The following SLC13A3 variants were observed in gnomAD, a reference collection of about 807,000 sequenced individuals.
The protein encoded by SLC13A3 is Na(+)/dicarboxylate cotransporter 3.
A neutral mutation model predicts 59.0 loss-of-function variants in SLC13A3; 40 were observed. The ratio of observed to expected loss-of-function variants is 0.68; its 90% CI spans 0.53 to 0.88. The LOEUF (loss-of-function observed/expected upper bound fraction) is 0.88. Ranked by LOEUF, SLC13A3 falls within the 40% of genes least tolerant of loss-of-function variation. The pLI is 0.00. For synonymous variants in SLC13A3, 317 were observed against 330.3 expected, an observed-to-expected ratio of 0.96 and a Z score of 0.44; for missense variants, 699 against 783.2, an observed-to-expected ratio of 0.89 and a Z score of 1.28.
upstream of SLC13A3, chr20:46,673,800 T>C (rs1465970469): frequency 1.3e-5 from 2 of 152,114 alleles, no homozygotes; most frequent in African/African-American, 4.8e-5. Context: ...AGAGGAGCAA[T>C]AAATATTGAA....
chr20:46,684,153 C>T (rs112128065), intron 1 of SLC13A3, among the ~76,000 whole-genome samples: 1 of 152,180 alleles, frequency 6.6e-6, no homozygotes, highest in South Asian at 2.1e-4. Flanking sequence ...CAACTTCGCA[C>T]GCCACAGCCT....
At chr20:46,616,640 A>G (rs2122762456) in intron 1 of SLC13A3, among the ~76,000 whole-genome samples, 1 of 152,310 alleles carries the variant, frequency 6.6e-6, no homozygotes, top group Middle Eastern at 3.4e-3. Context: ...ACAGAGATAG[A>G]GGGCAGGCCC....
At chr20:46,675,084 G>T (rs117041214), upstream of SLC13A3, among the ~76,000 whole-genome samples, 1 of 151,972 alleles carries the variant, frequency 6.6e-6, no homozygotes, top group Non-Finnish European at 1.5e-5. Context: ...TGAGATGTGC[G>T]CAAGGCTGGC....
intron 3 of SLC13A3, among the ~76,000 whole-genome samples, chr20:46,604,784 G>A (rs956756750): frequency 6.6e-6 from 1 of 152,210 alleles, no homozygotes; most frequent in Non-Finnish European, 1.5e-5. Context: ...AGCCATGCAC[G>A]AGGCCAGGGT....
chr20:46,562,408 C>T (rs540107025), intron 12 of SLC13A3, among the ~76,000 whole-genome samples: 5 of 152,160 alleles, frequency 3.3e-5, no homozygotes, highest in Non-Finnish European at 7.4e-5. Context: ...ATTGGGACTG[C>T]TCTTCCCCTT....
intron 9 of SLC13A3, 39 bp from the exon 10 acceptor site, chr20:46,575,724 C>A: frequency 7.3e-7 from 1 of 1,365,872 alleles, no homozygotes; most frequent in African/African-American, 1.4e-5. Flanking sequence ...CTCAGGGCCG[C>A]TCAGCCTGAG....
At chr20:46,607,801 C>A (rs2062450621) in intron 3 of SLC13A3, among the ~76,000 whole-genome samples, 1 of 152,168 alleles carries the variant, frequency 6.6e-6, no homozygotes, top group Non-Finnish European at 1.5e-5. Flanking sequence ...TTCAAAATAC[C>A]AGAGCCACAG....
intron 10 of SLC13A3, 166 bp from the exon 11 acceptor site, chr20:46,566,556 A>C: frequency 1.5e-6 from 1 of 659,674 alleles, no homozygotes; most frequent in Non-Finnish European, 2.4e-6. Context: ...ATTCGAGCCA[A>C]GGTCACACAT....
At chr20:46,674,715 G>C (rs1243699030), upstream of SLC13A3, among the ~76,000 whole-genome samples, 1 of 151,838 alleles carries the variant, frequency 6.6e-6, no homozygotes, top group East Asian at 1.9e-4. Context: ...GGCTAGGTTT[G>C]GAAGAGAGAA....
chr20:46,605,506 C>T (rs1016221757), intron 3 of SLC13A3, among the ~76,000 whole-genome samples: 3 of 152,106 alleles, frequency 2.0e-5, no homozygotes, highest in Non-Finnish European at 2.9e-5. Context: ...TTGTGTCAGG[C>T]CAGGGGATGG....
intron 1 of SLC13A3, among the ~76,000 whole-genome samples, chr20:46,642,128 G>A (rs934583161): frequency 6.6e-5 from 10 of 152,216 alleles, no homozygotes; most frequent in African/African-American, 2.2e-4. Context: ...TGTGTGGCAT[G>A]GTATGCCTCC....
chr20:46,588,237 G>T (rs1372401474), intron 7 of SLC13A3, 74 bp from the exon 8 acceptor site: 7 of 876,224 alleles, frequency 8.0e-6, no homozygotes, highest in African/African-American at 5.0e-5. Context: ...GGCTCAGGCA[G>T]CTGCCCACTG....
chr20:46,645,277 G>A (rs1406650416), intron 1 of SLC13A3, among the ~76,000 whole-genome samples: 1 of 152,190 alleles, frequency 6.6e-6, no homozygotes, highest in East Asian at 1.9e-4. Flanking sequence ...CCTGTTTCAA[G>A]ATCCTTTACC....
chr20:46,575,328 G>A (rs910433956), intron 10 of SLC13A3, among the ~76,000 whole-genome samples: 3 of 152,176 alleles, frequency 2.0e-5, no homozygotes, highest in Non-Finnish European at 4.4e-5. Context: ...ATTAGTATTA[G>A]TATTATATTA....
intron 1 of SLC13A3, among the ~76,000 whole-genome samples, chr20:46,634,916 T>C (rs902558830): frequency 6.6e-6 from 1 of 152,152 alleles, no homozygotes; most frequent in East Asian, 1.9e-4. Context: ...TCAGGCCCCC[T>C]CTATGTCCCT....
chr20:46,588,156 C>A lies in SLC13A3; in HGVS notation c.1024G>T (p.Glu342Ter). The change falls in exon 8 of 13, where the codon GAA (glutamate) becomes TAA (stop). Residue 342 changes from glutamate (E) to a stop codon, truncating the protein, a stop_gained. Coordinates refer to ENST00000279027, the MANE Select transcript of SLC13A3 (RefSeq NM_022829.6). LOFTEE classifies it high-confidence loss of function. Reference protein sequence around the residue: ...YQNLGPIKFAEQAVFILFCMF... With the variant: ...YQNLGPIKFA ...CAGAAAAGGATGAAAACAGCCTGTTCGGCAAACCTGTGGCACAGACATGCA... is the reference window on the plus strand; with the variant it reads ...CAGAAAAGGATGAAAACAGCCTGTTAGGCAAACCTGTGGCACAGACATGCA... The A allele has an allele frequency of 2.5e-6, 4 of 1,607,648 alleles. No individual in the cohort carries two copies. The South Asian group carries it at 3.3e-5, about 13-fold the overall frequency.
upstream of SLC13A3, among the ~76,000 whole-genome samples, chr20:46,654,045 G>A (rs936735050): frequency 6.6e-6 from 1 of 152,110 alleles, no homozygotes; most frequent in Non-Finnish European, 1.5e-5. Flanking sequence ...CACAGAGGCT[G>A]CACTATTTTA....
intron 3 of SLC13A3, among the ~76,000 whole-genome samples, chr20:46,603,839 A>G (rs1430853011): frequency 6.6e-6 from 1 of 151,980 alleles, no homozygotes; most frequent in African/African-American, 2.4e-5. Context: ...TGCTTTGTCA[A>G]TCTTGATATA....
upstream of SLC13A3, among the ~76,000 whole-genome samples, chr20:46,655,219 A>G (rs1792912171): frequency 1.9e-4 from 1 of 5,298 alleles, no homozygotes; most frequent in Admixed American, 1.2e-3. Context: ...TAGATTTATA[A>G]TATACACATA....
Sources: gnomAD v4.1 joint callset for allele counts (sites outside exome capture counted in the v4.1 genomes callset) on GRCh38, gnomAD v4.1.1 for gene constraint, MANE v1.5 for transcripts, NCBI Gene and HGNC (gene_info 2026-07-23, HGNC 2026-07-21) for gene names.